ADCYAP1R1: variants seen among roughly 807,000 people sequenced by gnomAD.
ADCYAP1R1 encodes the protein ADCYAP receptor type I.
In ADCYAP1R1, 44 loss-of-function variants were observed where a neutral mutation model predicts 67.6. The ratio of observed to expected loss-of-function variants is 0.65; its 90% CI spans 0.51 to 0.84. ADCYAP1R1 has a LOEUF of 0.84. Among genes scored for constraint, ADCYAP1R1 ranks in the 40% least tolerant of loss-of-function variants. The probability of loss-of-function intolerance (pLI) is 0.00; values close to 1 mark genes in which losing one functional copy is unlikely to be tolerated. For missense variants in ADCYAP1R1, 477 were observed against 587.9 expected, an observed-to-expected ratio of 0.81 and a Z score of 1.95; for synonymous variants, 222 against 219.6, an observed-to-expected ratio of 1.01 and a Z score of -0.10.
At chr7:31,084,633 G>T (rs1461418009) in intron 7 of ADCYAP1R1, 104 bp from the exon 8 acceptor site, 2 of 909,766 alleles carry the variant, frequency 2.2e-6, no homozygotes, top group African/African-American at 1.6e-5. Flanking sequence ...AGCTAGGCCT[G>T]GAGGTGGGCA....
At chr7:31,061,842 G>A (rs985641504) in intron 1 of ADCYAP1R1, among the ~76,000 whole-genome samples, 1 of 152,184 alleles carries the variant, frequency 6.6e-6, no homozygotes, top group Non-Finnish European at 1.5e-5. Flanking sequence ...TGGTGGGGGG[G>A]TGTGCGAAGA....
At chr7:31,067,525 G>T (rs1794787548) in intron 3 of ADCYAP1R1, among the ~76,000 whole-genome samples, 1 of 151,880 alleles carries the variant, frequency 6.6e-6, no homozygotes, top group South Asian at 2.1e-4. Flanking sequence ...CTGGAGGGTG[G>T]GGGTGGGTCT....
At chr7:31,073,325 G>A (rs189550852) in intron 3 of ADCYAP1R1, among the ~76,000 whole-genome samples, 18 of 152,232 alleles carry the variant, frequency 1.2e-4, no homozygotes, top group African/African-American at 3.4e-4. Flanking sequence ...GAATAAATGA[G>A]TAATTAAGAG....
intron 13 of ADCYAP1R1, among the ~76,000 whole-genome samples, chr7:31,100,745 A>G (rs1796402718): frequency 6.6e-6 from 1 of 152,166 alleles, no homozygotes; most frequent in Non-Finnish European, 1.5e-5. Context: ...GAAGTCACTC[A>G]CTCAAGGACC....
rs1273138258 is a variant in ADCYAP1R1, at chr7:31,109,800, A to T, written c.*3116A>T. The T allele has an allele frequency of 6.6e-6, 1 of 152,476 alleles. No individual in the cohort carries two copies. The highest frequency in any genetic ancestry group is 2.4e-5 in the African/African-American group (1 of 41,408). The allele number at this position is 152,476 out of a possible 1,614,324, so 9.4% of individuals were successfully genotyped here. A position where few individuals can be genotyped will look rare whatever the true frequency, so the allele number is the denominator to read the frequency against. On this transcript the variant is annotated 3_prime_UTR_variant, in exon 16 of 16. Transcript: ENST00000304166. ...TCAGGGAGCCAGAGAGGGGGGTCCAAGTGCGGGATGTGGGTGGCTCTGTGG... is the reference window on the plus strand; with the variant it reads ...TCAGGGAGCCAGAGAGGGGGGTCCATGTGCGGGATGTGGGTGGCTCTGTGG...
intron 3 of ADCYAP1R1, among the ~76,000 whole-genome samples, chr7:31,077,656 G>A (rs1427433857): frequency 1.4e-5 from 2 of 147,204 alleles, no homozygotes; most frequent in Admixed American, 6.8e-5. Flanking sequence ...TGTGTGTGAT[G>A]TGTGTGTGGT....
chr7:31,084,516 C>T (rs1028831535), intron 7 of ADCYAP1R1, among the ~76,000 whole-genome samples: 3 of 152,206 alleles, frequency 2.0e-5, no homozygotes, highest in East Asian at 3.8e-4. Context: ...CCTTCAACAG[C>T]ATATATTGAG....
rs772295347 is a variant in ADCYAP1R1, at chr7:31,063,260, G to T, written c.-5G>T. 4 of 1,614,208 alleles carry T rather than the reference G, an allele frequency of 2.5e-6. No homozygotes were observed. In the East Asian group the frequency reaches 6.7e-5, roughly 27 times the overall value. On this transcript the variant is annotated 5_prime_UTR_variant, in exon 2 of 16. Coordinates refer to ENST00000304166, the MANE Select transcript of ADCYAP1R1 (RefSeq NM_001118.5). ...GGAGGCCAGTGGTGCTGGCCAAGAA[G>T]TGTCATGGCTGGTGTCGTGCACGTT...
In ADCYAP1R1 at chr7:31,084,851, C is replaced by T; in HGVS notation, c.536+17C>T. 1 of 1,610,502 alleles carries T rather than the reference C, an allele frequency of 6.2e-7. No homozygotes were observed. Among genetic ancestry groups the T allele is most frequent in the East Asian group, 2.2e-5 (1 of 44,866 alleles). ...TCGCTTCCGGTGAGACCCTCAGCAA[C>T]ATTCAAGCAAGCACCAGAGCTGGCC... On this transcript the variant is annotated intron_variant, in intron 8 of 15. Transcript: ENST00000304166.
In ADCYAP1R1 at chr7:31,086,910, G is replaced by A; in HGVS notation, c.824-33G>A. 6.2e-7 allele frequency: 1 copy of A among 1,613,050 alleles called. No homozygotes were observed. Among genetic ancestry groups the A allele is most frequent in the Non-Finnish European group, 8.5e-7 (1 of 1,178,990 alleles). ...GGACATTGGACATGTTGGTTTTCCT[G>A]TTCTCACGGACCTCTTTTTCTTGTT... On this transcript the variant is annotated intron_variant, in intron 10 of 15. Coordinates refer to ENST00000304166, the MANE Select transcript of ADCYAP1R1 (RefSeq NM_001118.5). This position sits in a 1 kb window ranked among gnomAD's most constrained non-coding sequence, Gnocchi z 5.0.
chr7:31,107,114 C>T lies in ADCYAP1R1; in HGVS notation c.*430C>T. Reference sequence around the variant, plus strand: ...CTGGGGTGGTACCTGCCCCAACAGCCCCCCATCATCTGATTTTGGGTGTGA... The same window carrying T: ...CTGGGGTGGTACCTGCCCCAACAGCTCCCCATCATCTGATTTTGGGTGTGA... On this transcript the variant is annotated 3_prime_UTR_variant, in exon 16 of 16. Coordinates refer to ENST00000304166, the MANE Select transcript of ADCYAP1R1 (RefSeq NM_001118.5). The T allele has an allele frequency of 6.1e-6, 1 of 163,082 alleles. No homozygotes were observed. The highest frequency in any genetic ancestry group is 1.3e-5 in the Non-Finnish European group (1 of 75,794). The allele number at this position is 163,082 out of a possible 1,614,324, so 10.1% of individuals were successfully genotyped here.
chr7:31,062,676 G>A (rs200387792), intron 1 of ADCYAP1R1, among the ~76,000 whole-genome samples: 1 of 152,304 alleles, frequency 6.6e-6, no homozygotes, highest in South Asian at 2.1e-4. Context: ...TTTGTTATTT[G>A]GGAAGGGTTA....
intron 11 of ADCYAP1R1, 55 bp downstream of exon 11, chr7:31,087,058 G>T (rs1795778948): frequency 6.3e-7 from 1 of 1,590,972 alleles, no homozygotes; most frequent in Non-Finnish European, 8.6e-7. Context: ...CTTACAGATG[G>T]GTTCTCAGTA....
intron 13 of ADCYAP1R1, among the ~76,000 whole-genome samples, chr7:31,098,399 C>A (rs564174115): frequency 1.3e-5 from 2 of 152,280 alleles, no homozygotes; most frequent in African/African-American, 4.8e-5. Context: ...AGATGAATAC[C>A]TCCTAATGGC....
intron 2 of ADCYAP1R1, among the ~76,000 whole-genome samples, chr7:31,063,951 T>C (rs2128617167): frequency 6.6e-6 from 1 of 152,328 alleles, no homozygotes; most frequent in African/African-American, 2.4e-5. Flanking sequence ...ATCAAATGCC[T>C]TGTGACTGCC....
At chr7:31,067,673 T>A (rs1281540540) in intron 3 of ADCYAP1R1, among the ~76,000 whole-genome samples, 1 of 152,178 alleles carries the variant, frequency 6.6e-6, no homozygotes, top group Non-Finnish European at 1.5e-5. Flanking sequence ...TGACATGCTG[T>A]GGGTCCCAGC....
chr7:31,061,232 C>G (rs945090383), intron 1 of ADCYAP1R1, among the ~76,000 whole-genome samples: 2 of 152,262 alleles, frequency 1.3e-5, no homozygotes, highest in Non-Finnish European at 2.9e-5. Flanking sequence ...GCCTGCAACA[C>G]TCTGCTGGCC....
At chr7:31,067,606 T>C (rs1794792027) in intron 3 of ADCYAP1R1, among the ~76,000 whole-genome samples, 1 of 152,168 alleles carries the variant, frequency 6.6e-6, no homozygotes, top group African/African-American at 2.4e-5. Flanking sequence ...ACATAGTCCA[T>C]TAAGAGGCAG....
At chr7:31,068,765 G>T (rs1172436642) in intron 3 of ADCYAP1R1, among the ~76,000 whole-genome samples, 1 of 152,170 alleles carries the variant, frequency 6.6e-6, no homozygotes, top group Non-Finnish European at 1.5e-5. Context: ...TGTCTGAAGA[G>T]CTTGCCCTGC....
Sources: gnomAD v4.1 joint callset for allele counts (sites outside exome capture counted in the v4.1 genomes callset) on GRCh38, gnomAD v4.1.1 for gene constraint, Gnocchi (gnomAD v3.1) non-coding constraint, MANE v1.5 for transcripts, NCBI Gene and HGNC (gene_info 2026-07-23, HGNC 2026-07-21) for gene names.